Variants in PARVA observed in about 807,000 individuals in gnomAD.
The protein encoded by PARVA is alpha-parvin.
PARVA carries 25 observed loss-of-function variants against 52.6 expected under a neutral mutation model. The ratio of observed to expected loss-of-function variants is 0.48; its 90% CI spans 0.35 to 0.66. PARVA has a LOEUF of 0.66. Ranked by LOEUF, PARVA falls within the 30% of genes least tolerant of loss-of-function variation. The pLI is 0.01. For missense variants in PARVA, 373 were observed against 450.9 expected, an observed-to-expected ratio of 0.83 and a Z score of 1.56; for synonymous variants, 185 against 179.1, an observed-to-expected ratio of 1.03 and a Z score of -0.26.
chr11:12,412,349 A>G (rs561719293), intron 1 of PARVA, among the ~76,000 whole-genome samples: 1 of 152,330 alleles, frequency 6.6e-6, no homozygotes, highest in East Asian at 1.9e-4. Flanking sequence ...ATCCTAAGAA[A>G]ATGGGGTGCC....
At chr11:12,449,885 T>C (rs1346812659) in intron 1 of PARVA, among the ~76,000 whole-genome samples, 1 of 152,234 alleles carries the variant, frequency 6.6e-6, no homozygotes, top group Non-Finnish European at 1.5e-5. Flanking sequence ...GTAAGCATAT[T>C]ATGAGCTGAT....
chr11:12,428,536 T>G (rs1037894115), intron 1 of PARVA, among the ~76,000 whole-genome samples: 1 of 152,204 alleles, frequency 6.6e-6, no homozygotes, highest in Non-Finnish European at 1.5e-5. Flanking sequence ...CCGCTGTATC[T>G]AGATAGTATA....
chr11:12,411,009 G>T (rs1406068330), intron 1 of PARVA, among the ~76,000 whole-genome samples: 3 of 152,148 alleles, frequency 2.0e-5, no homozygotes, highest in African/African-American at 7.2e-5. Context: ...AGTTCATGAG[G>T]CTGTTGTGGA....
chr11:12,512,214 C>T (rs1167621190), intron 8 of PARVA, among the ~76,000 whole-genome samples: 11 of 152,168 alleles, frequency 7.2e-5, no homozygotes, highest in South Asian at 4.1e-4. Context: ...CTAATTGTCT[C>T]GTGGAAATAA....
chr11:12,398,579 C>G (rs1939783312), intron 1 of PARVA, among the ~76,000 whole-genome samples: 1 of 151,008 alleles, frequency 6.6e-6, no homozygotes, highest in African/African-American at 2.4e-5. Flanking sequence ...CCCCGTCCTC[C>G]TGTGCCTAGC....
At chr11:12,487,723 AG>A (rs1490688177) in intron 4 of PARVA, among the ~76,000 whole-genome samples, 1 of 152,210 alleles carries the variant, frequency 6.6e-6, no homozygotes, top group Non-Finnish European at 1.5e-5. Flanking sequence ...GTTAGATGAA[AG>A]TTTTTTATTA....
chr11:12,523,134 AAAAT>A (rs1356646851), intron 12 of PARVA, among the ~76,000 whole-genome samples: 1 of 152,222 alleles, frequency 6.6e-6, no homozygotes, highest in Non-Finnish European at 1.5e-5. Flanking sequence ...AAAGTTTTTA[AAAAT>A]AAATAAAGCA....
chr11:12,507,140 G>A (rs776044678), intron 6 of PARVA, among the ~76,000 whole-genome samples: 4 of 151,854 alleles, frequency 2.6e-5, no homozygotes, highest in Non-Finnish European at 5.9e-5. Context: ...GTCTTATCCA[G>A]TTCTTCCTTT....
chr11:12,460,655 G>A (rs919705313), intron 1 of PARVA, among the ~76,000 whole-genome samples: 2 of 152,158 alleles, frequency 1.3e-5, no homozygotes, highest in Non-Finnish European at 2.9e-5. Flanking sequence ...CTGTTTCCAA[G>A]GTTACCTCTT....
chr11:12,454,138 G>A (rs1940662131), intron 1 of PARVA, among the ~76,000 whole-genome samples: 1 of 152,138 alleles, frequency 6.6e-6, no homozygotes, highest in Non-Finnish European at 1.5e-5. Flanking sequence ...CAGCAGAGCT[G>A]GTGTTTGCCC....
chr11:12,495,635 T>A (rs965651140), intron 4 of PARVA, among the ~76,000 whole-genome samples: 16 of 142,666 alleles, frequency 1.1e-4, no homozygotes, highest in African/African-American at 4.0e-4. Flanking sequence ...TTTTTAAGTA[T>A]TAAGGTGTTA....
At chr11:12,465,831 G>A (rs959513275) in intron 1 of PARVA, among the ~76,000 whole-genome samples, 1 of 152,200 alleles carries the variant, frequency 6.6e-6, no homozygotes, top group African/African-American at 2.4e-5. Flanking sequence ...TTCACATTCA[G>A]GGTTTTGTGT....
rs1362356935 is a variant in PARVA at position 12,530,749 on chromosome 11, A to ATAACAT, written c.*2825_*2826insAACATT. 6.6e-6 allele frequency: 1 copy of ATAACAT among 152,130 alleles called. No individual in the cohort carries two copies. Among genetic ancestry groups the ATAACAT allele is most frequent in the Non-Finnish European group, 1.5e-5 (1 of 68,018 alleles). 9.4% of individuals were successfully genotyped at this position (152,130 alleles called of 1,614,324 possible). ...TATCACTTAATGTTATATCTTGGAT[A>ATAACAT]TTGTATTACCCTGGGTATTAAAAAG... On this transcript the variant is annotated 3_prime_UTR_variant, in exon 13 of 13. Coordinates refer to ENST00000334956, the MANE Select transcript of PARVA (RefSeq NM_018222.5).
chr11:12,524,173 T>C (rs1223250147), intron 12 of PARVA, among the ~76,000 whole-genome samples: 1 of 152,182 alleles, frequency 6.6e-6, no homozygotes, highest in East Asian at 1.9e-4. Context: ...CGGCTATACA[T>C]AGCAGCTCTG....
At chr11:12,453,451 TC>T (rs1191403753) in intron 1 of PARVA, among the ~76,000 whole-genome samples, 3 of 152,060 alleles carry the variant, frequency 2.0e-5, no homozygotes, top group African/African-American at 7.2e-5. Context: ...GACAGTGAGC[TC>T]CACTCCATAG....
chr11:12,476,019 G>T (rs1020266312), intron 3 of PARVA, among the ~76,000 whole-genome samples: 2 of 152,180 alleles, frequency 1.3e-5, no homozygotes, highest in African/African-American at 4.8e-5. Flanking sequence ...GCTAGCCCTG[G>T]GCTTGCTCCT....
At chr11:12,510,586 G>T (rs1941492061) in intron 7 of PARVA, among the ~76,000 whole-genome samples, 1 of 149,134 alleles carries the variant, frequency 6.7e-6, no homozygotes, top group Non-Finnish European at 1.5e-5. Context: ...GGTGAAAAAT[G>T]GTTTAACTGG....
chr11:12,531,991 G>A lies in PARVA; in HGVS notation c.*4066G>A, dbSNP rs187009703. On this transcript the variant is annotated 3_prime_UTR_variant, in exon 13 of 13. Transcript: ENST00000334956. Reference sequence around the variant, plus strand: ...CTACATTTACAAATACCAGAGTTTCGACTGTGTTTTTACTCTCTGCTCCCT... The same window carrying A: ...CTACATTTACAAATACCAGAGTTTCAACTGTGTTTTTACTCTCTGCTCCCT... 2.0e-5 allele frequency among the ~76,000 whole-genome samples: 3 copies of A among 152,104 alleles called. No individual in the cohort carries two copies. Among genetic ancestry groups the A allele is most frequent in the Non-Finnish European group, 2.9e-5 (2 of 68,034 alleles).
chr11:12,531,242 C>G lies in PARVA; in HGVS notation c.*3317C>G, dbSNP rs1037026907. Among the ~76,000 whole-genome samples, 2 of 152,208 alleles carry G rather than the reference C, an allele frequency of 1.3e-5. No individual in the cohort carries two copies. Among genetic ancestry groups the G allele is most frequent in the African/African-American group, 2.4e-5 (1 of 41,452 alleles). ...CCGATCTGGGAGAAGGCTTCTTTATCAGCACATCATCAGTGTTGCCTCGAG... is the reference window on the plus strand; with the variant it reads ...CCGATCTGGGAGAAGGCTTCTTTATGAGCACATCATCAGTGTTGCCTCGAG... On this transcript the variant is annotated 3_prime_UTR_variant, in exon 13 of 13. Coordinates refer to ENST00000334956, the MANE Select transcript of PARVA (RefSeq NM_018222.5).
Sources: allele counts gnomAD v4.1 joint callset (sites outside exome capture counted in the v4.1 genomes callset), GRCh38; gene constraint gnomAD v4.1.1; transcripts MANE v1.5; gene names NCBI Gene and HGNC (gene_info 2026-07-23, HGNC 2026-07-21).